The following ANAPC4 variants were observed in gnomAD, a reference collection of about 807,000 sequenced individuals.
ANAPC4 encodes anaphase promoting complex subunit 4, also known as anaphase-promoting complex subunit 4.
ANAPC4 carries 63 observed loss-of-function variants against 119.8 expected under a neutral mutation model. The ratio of observed to expected loss-of-function variants is 0.53; its 90% CI spans 0.43 to 0.65. ANAPC4 has a LOEUF of 0.65. Among genes scored for constraint, ANAPC4 ranks in the 30% least tolerant of loss-of-function variants. ANAPC4 has a pLI of 0.00. For missense variants in ANAPC4, 716 were observed against 945.1 expected, an observed-to-expected ratio of 0.76 and a Z score of 3.18; for synonymous variants, 283 against 318.6, an observed-to-expected ratio of 0.89 and a Z score of 1.19.
Position 25,415,473 on chromosome 4 carries a change from A to G in ANAPC4, c.1834A>G (p.Ser612Gly). The part of the protein sequence containing the change: ...RRHTDISQSV[S>G]NGLIAIKFGS... The stretch of plus-strand genomic sequence containing the variant: ...CCCCCTTCTTTCTTGAAGATCTGTG[A>G]GTAATGGACTAATTGCTATTAAATT... Residue 612 changes from serine to glycine, a missense_variant, in exon 26 of 29, where the codon AGT becomes GGT. By Grantham distance (56) the Ser-to-Gly change is moderately conservative. Coordinates refer to ENST00000315368, the MANE Select transcript of ANAPC4 (RefSeq NM_013367.3). The G allele has an allele frequency of 3.1e-6, 5 of 1,612,294 alleles. No individual in the cohort carries two copies. The highest frequency in any genetic ancestry group is 4.2e-6 in the Non-Finnish European group (5 of 1,179,064).
At chr4:25,384,652 C>G (rs891681672) in intron 4 of ANAPC4, among the ~76,000 whole-genome samples, 1 of 152,082 alleles carries the variant, frequency 6.6e-6, no homozygotes, top group Non-Finnish European at 1.5e-5. Flanking sequence ...GAAACCCTAT[C>G]TTAAAAATTA....
chr4:25,402,602 A>G (rs1452027250), intron 16 of ANAPC4, among the ~76,000 whole-genome samples: 3 of 152,114 alleles, frequency 2.0e-5, no homozygotes, highest in African/African-American at 4.8e-5. Context: ...ACCAATGAGT[A>G]TTTTCTTTTA....
intron 4 of ANAPC4, 52 bp from the exon 5 acceptor site, chr4:25,388,448 G>A: frequency 8.0e-7 from 1 of 1,246,292 alleles, no homozygotes; most frequent in South Asian, 1.3e-5. Context: ...TTAATGGCAA[G>A]AGAAGTAAAA....
intron 2 of ANAPC4, 80 bp from the exon 3 acceptor site, chr4:25,380,294 A>C: frequency 8.9e-7 from 1 of 1,122,504 alleles, no homozygotes; most frequent in Non-Finnish European, 1.3e-6. Context: ...ATTTAAAAAA[A>C]TTTTTAGTAG....
At chr4:25,382,970 A>G (rs1426684238) in intron 3 of ANAPC4, among the ~76,000 whole-genome samples, 1 of 152,342 alleles carries the variant, frequency 6.6e-6, no homozygotes, top group Middle Eastern at 3.4e-3. Flanking sequence ...TCTGCTTGAC[A>G]ACAGGGTTTC....
In ANAPC4 at chr4:25,415,671, G is replaced by A. The variant is rs35277065; in HGVS notation, c.1901+131G>A. 8.8e-4 allele frequency: 588 copies of A among 670,040 alleles called. No individual in the cohort carries two copies. The African/African-American group carries it at 9.7e-3, about 11-fold the overall frequency. The allele number at this position is 670,040 out of a possible 1,614,324, so 41.5% of individuals were successfully genotyped here. A position where few individuals can be genotyped will look rare whatever the true frequency, so the allele number is the denominator to read the frequency against. On this transcript the variant is annotated intron_variant, in intron 26 of 28. Transcript: ENST00000315368. Reference sequence around the variant, plus strand: ...TTTGCCACTTCCCACATCAAGGGCAGGATTCTTTGTGTATTTATACATAGA... The same window carrying A: ...TTTGCCACTTCCCACATCAAGGGCAAGATTCTTTGTGTATTTATACATAGA...
chr4:25,383,471 A>G (rs1721860781), intron 4 of ANAPC4, 78 bp downstream of exon 4: 1 of 1,364,854 alleles, frequency 7.3e-7, no homozygotes, highest in African/African-American at 1.5e-5. Flanking sequence ...GGAGTATCTG[A>G]GTATTGGGTG....
Position 25,405,440 on chromosome 4 carries a change from T to G in ANAPC4, c.1271-133T>G. The G allele has an allele frequency of 1.3e-6, 1 of 741,074 alleles. No individual in the cohort carries two copies. Among genetic ancestry groups the G allele is most frequent in the Non-Finnish European group, 2.1e-6 (1 of 466,556 alleles). 45.9% of individuals were successfully genotyped at this position (741,074 alleles called of 1,614,324 possible). A position where few individuals can be genotyped will look rare whatever the true frequency, so the allele number is the denominator to read the frequency against. On this transcript the variant is annotated intron_variant, in intron 17 of 28. Transcript: ENST00000315368. This position sits in a 1 kb window ranked among gnomAD's most constrained non-coding sequence, Gnocchi z 4.6. ...CCCCTTAGTTTTTGGAAGAAAAATG[T>G]TTTTGTTGGTGAAAAGCTGTGTAAA...
At chr4:25,378,493 G>A (rs1034532353) in intron 2 of ANAPC4, among the ~76,000 whole-genome samples, 25 of 152,344 alleles carry the variant, frequency 1.6e-4, no homozygotes, top group Non-Finnish European at 3.2e-4. Flanking sequence ...TTGAAACTCT[G>A]TTGTGGCTCT....
rs1367024976 is a variant in ANAPC4 at position 25,417,651 on chromosome 4, C to A, written c.2111C>A (p.Thr704Asn). Residue 704 changes from threonine to asparagine, a missense_variant, in exon 28 of 29, where the codon ACC (threonine) becomes AAC (asparagine). Transcript: ENST00000315368. The stretch of plus-strand genomic sequence containing the variant: ...CAGTGTAGTGCTATTCCCACCCGTA[C>A]CATGCATTTTGAGAAGCACTGGAGA... Reference protein sequence around the residue: ...DEQCSAIPTRTMHFEKHWRLL... With the variant: ...DEQCSAIPTRNMHFEKHWRLL... 1 of 1,613,452 alleles carries A rather than the reference C, an allele frequency of 6.2e-7. No individual in the cohort carries two copies. Among genetic ancestry groups the A allele is most frequent in the East Asian group, 2.2e-5 (1 of 44,858 alleles).
chr4:25,392,533 A>G, intron 10 of ANAPC4, 112 bp downstream of exon 10: 1 of 736,334 alleles, frequency 1.4e-6, no homozygotes, highest in South Asian at 1.8e-5. Context: ...AGAGGTATCT[A>G]GTCTGATAGA....
intron 4 of ANAPC4, among the ~76,000 whole-genome samples, chr4:25,386,525 A>T (rs2109114629): frequency 6.6e-6 from 1 of 152,286 alleles, no homozygotes; most frequent in South Asian, 2.1e-4. Context: ...TCACCATTTT[A>T]TATGGCCATG....
At position 25,390,932 on chromosome 4, in the gene ANAPC4, T is replaced by C; in HGVS notation, c.622T>C (p.Leu208=). The change falls in exon 9 of 29, where the codon TTA becomes CTA. Residue 208 remains leucine (L), a synonymous_variant. Transcript: ENST00000315368. The stretch of plus-strand genomic sequence containing the variant: ...ACAGATTGCTGGTACTTGTCTTGCA[T>C]TATGTTTATCAAGTGATTTGAAATC... The part of the protein sequence containing the change: ...VTGIAGTCLA[L]CLSSDLKSLS... 6.2e-7 allele frequency: 1 copy of C among 1,613,622 alleles called. No homozygotes were observed.
At chr4:25,384,623 C>T (rs906630518) in intron 4 of ANAPC4, among the ~76,000 whole-genome samples, 8 of 152,076 alleles carry the variant, frequency 5.3e-5, no homozygotes, top group African/African-American at 1.7e-4. Context: ...GAGTTCAAGA[C>T]GAGCCTGGGC....
At chr4:25,415,345 TCTC>T (rs1326277755) in intron 25 of ANAPC4, 118 bp from the exon 26 acceptor site, 10 of 654,974 alleles carry the variant, frequency 1.5e-5, no homozygotes, top group Non-Finnish European at 2.5e-5. Context: ...TTAAACAAGT[TCTC>T]AGTGTTCTAA....
chr4:25,394,052 C>A (rs17605267), intron 11 of ANAPC4, among the ~76,000 whole-genome samples, 161 bp downstream of exon 11: 65,705 of 151,998 alleles, frequency 0.43, 15,794 homozygotes, highest in Non-Finnish European at 0.53. Flanking sequence ...TCAGATTTGC[C>A]AAAAGGGCTC....
At position 25,414,697 on chromosome 4, in the gene ANAPC4, C is replaced by A; in HGVS notation, c.1823C>A (p.Ser608Tyr). 2 of 1,515,714 alleles carry A rather than the reference C, an allele frequency of 1.3e-6. No homozygotes were observed. The highest frequency in any genetic ancestry group is 1.3e-5 in the South Asian group (1 of 79,586). 93.9% of individuals were successfully genotyped at this position (1,515,714 alleles called of 1,614,324 possible). Reference sequence around the variant, plus strand: ...ATCTTAAGGAGACATACTGATATTTCTCAGTAAGTATTAATCTGAAGTTTG... The same window carrying A: ...ATCTTAAGGAGACATACTGATATTTATCAGTAAGTATTAATCTGAAGTTTG... ...MCILRRHTDISQSVSNGLIAI... is the reference protein window; with the variant it reads ...MCILRRHTDIYQSVSNGLIAI... The change falls in exon 25 of 29, where the codon TCT becomes TAT. Residue 608 changes from serine to tyrosine, a missense_variant. By Grantham distance (144) the Ser-to-Tyr change is moderately radical (BLOSUM62 -2). Coordinates refer to ENST00000315368, the MANE Select transcript of ANAPC4 (RefSeq NM_013367.3).
chr4:25,404,932 T>TA (rs1723173731), intron 17 of ANAPC4, among the ~76,000 whole-genome samples: 1 of 152,034 alleles, frequency 6.6e-6, no homozygotes, highest in African/African-American at 2.4e-5. Flanking sequence ...AAAAAACAGT[T>TA]ATGTATTTGC....
At chr4:25,377,923 G>A (rs534346769) in intron 2 of ANAPC4, among the ~76,000 whole-genome samples, 1 of 152,336 alleles carries the variant, frequency 6.6e-6, no homozygotes, top group South Asian at 2.1e-4. Context: ...CATAATGGTA[G>A]ATGCAGGGAC....
Sources: allele counts gnomAD v4.1 joint callset (sites outside exome capture counted in the v4.1 genomes callset), GRCh38; gene constraint gnomAD v4.1.1; non-coding constraint Gnocchi (gnomAD v3.1); transcripts MANE v1.5; gene names NCBI Gene and HGNC (gene_info 2026-07-23, HGNC 2026-07-21).